Variants in DMD observed in about 807,000 individuals in gnomAD.
DMD encodes the protein mutant dystrophin.
In DMD, 63 loss-of-function variants were observed where a neutral mutation model predicts 330.1. The ratio of observed to expected loss-of-function variants is 0.19; its 90% CI spans 0.16 to 0.24. DMD has a LOEUF of 0.24. Among genes scored for constraint, DMD ranks in the 10% least tolerant of loss-of-function variants. DMD has a pLI of 1.00. For missense variants in DMD, 3,344 were observed against 2,684.1 expected, an observed-to-expected ratio of 1.25 and a Z score of -5.43; for synonymous variants, 1,223 against 959.8, an observed-to-expected ratio of 1.27 and a Z score of -5.07.
intron 11 of DMD, among the ~76,000 whole-genome samples, chrX:32,624,102 G>A (rs1217472062): frequency 2.7e-5 from 3 of 111,893 alleles, no homozygotes; most frequent in South Asian, 7.3e-4. Context: ...AATAAATTTG[G>A]AAAAATTGTC....
At chrX:31,267,014 T>C in intron 62 of DMD, 1 of 638,375 alleles carries the variant, frequency 1.6e-6, no homozygotes, top group Non-Finnish European at 2.2e-6. Context: ...GGCGGGGCCG[T>C]GTCGGGCTCC....
chrX:31,908,378 C>T (rs146405993), intron 47 of DMD, among the ~76,000 whole-genome samples: 4,364 of 111,226 alleles, frequency 0.039, 80 homozygotes, highest in Non-Finnish European at 0.063. Flanking sequence ...TGGAATACTA[C>T]GCAACCATAA....
At chrX:32,819,592 C>T (rs923721879) in intron 5 of DMD, among the ~76,000 whole-genome samples, 8 of 111,618 alleles carry the variant, frequency 7.2e-5, no homozygotes, top group African/African-American at 2.6e-4. Context: ...TTGAGATGGA[C>T]AGTAGAAAAA....
At chrX:32,969,205 C>CCTTGTTTTTTCCTTTTTGAGACAGAGG (rs1602301732) in intron 2 of DMD, among the ~76,000 whole-genome samples, 33 of 94,739 alleles carry the variant, frequency 3.5e-4, no homozygotes, top group Middle Eastern at 5.6e-3. Context: ...CATTTCTGCT[C>CCTTGTTTTTTCCTTTTTGAGACAGAGG]TTTATAAACC....
intron 55 of DMD, among the ~76,000 whole-genome samples, chrX:31,571,458 T>A (rs1229250440): frequency 9.0e-6 from 1 of 110,611 alleles, no homozygotes; most frequent in Non-Finnish European, 1.9e-5. Flanking sequence ...ATATTGTAAT[T>A]TTTAAAAATC....
chrX:31,421,035 T>C (rs921614704), intron 60 of DMD, among the ~76,000 whole-genome samples: 4 of 112,228 alleles, frequency 3.6e-5, no homozygotes, highest in African/African-American at 9.7e-5. Flanking sequence ...CATGGACCAT[T>C]ATGCAATATT....
chrX:31,740,956 T>A (rs959656409), intron 51 of DMD, among the ~76,000 whole-genome samples: 3 of 112,201 alleles, frequency 2.7e-5, no homozygotes, highest in Non-Finnish European at 5.6e-5. Context: ...ATCAACTAAG[T>A]TTATGGAATA....
At chrX:32,156,007 CACACACACA>C (rs2096828573) in intron 44 of DMD, among the ~76,000 whole-genome samples, 3 of 101,420 alleles carry the variant, frequency 3.0e-5, no homozygotes, top group Non-Finnish European at 6.2e-5. Context: ...CACACACACA[CACACACACA>C]CCTGTATAGC....
chrX:32,944,193 G>A (rs933251867), intron 2 of DMD, among the ~76,000 whole-genome samples: 1 of 112,098 alleles, frequency 8.9e-6, no homozygotes, highest in Non-Finnish European at 1.9e-5. Context: ...CTTAAAATTA[G>A]GCAATGCATT....
Position 33,054,571 on chromosome X carries a change from A to T in DMD, c.32-34371T>A, listed in dbSNP as rs563089731. ...ATTAGTGTGACGAAGGAAAACATTG[A>T]ATTAAGTCAACTAGTTATTCAGTTA... On this transcript the variant is annotated intron_variant, in intron 1 of 78. Transcript: ENST00000357033. 2.8e-4 allele frequency among the ~76,000 whole-genome samples: 32 copies of T among 112,615 alleles called. No homozygotes were observed. In the South Asian group the frequency reaches 3.6e-3, roughly 13 times the overall value.
chrX:32,823,500 G>A, intron 4 of DMD, 113 bp from the exon 5 acceptor site: 1 of 537,655 alleles, frequency 1.9e-6, no homozygotes, highest in Non-Finnish European at 3.2e-6. Context: ...CAGAGACTTA[G>A]CATTGAAGCT....
rs1482260149 is a variant in DMD, at chrX:32,362,828, T to A, written c.5285A>T (p.His1762Leu). 4 of 1,210,987 alleles carry A rather than the reference T, an allele frequency of 3.3e-6. No individual in the cohort carries two copies. The highest frequency in any genetic ancestry group is 4.4e-5 in the Admixed American group (2 of 45,865). ...TCTGTGTGAAATGGCTGCAAATCGA[T>A]GGTTGAGCTCTGAGATTTGGGGCTC... is the stretch of plus-strand genomic sequence containing the variant. ...LVEPQISELN[H>L]RFAAISHRIK... The change falls in exon 37 of 79, where the codon CAT (histidine) becomes CTT (leucine). Residue 1762 changes from histidine to leucine, a missense_variant. Physicochemically the swap from His to Leu is moderately conservative, Grantham distance 99. Coordinates refer to ENST00000357033, the MANE Select transcript of DMD (RefSeq NM_004006.3).
At chrX:32,488,662 T>A (rs367899359) in intron 20 of DMD, among the ~76,000 whole-genome samples, 17 of 111,480 alleles carry the variant, frequency 1.5e-4, no homozygotes, top group African/African-American at 5.5e-4. Context: ...CAACGGAATT[T>A]GGATGCAGTA....
intron 21 of DMD, among the ~76,000 whole-genome samples, chrX:32,474,208 T>TACACACACAC (rs3045001): frequency 9.9e-4 from 41 of 41,324 alleles, no homozygotes; most frequent in African/African-American, 1.8e-3. Flanking sequence ...CATACATACA[T>TACACACACAC]ACACACACAC....
intron 44 of DMD, among the ~76,000 whole-genome samples, chrX:32,173,436 G>A (rs1282370294): frequency 1.8e-5 from 2 of 110,914 alleles, no homozygotes; most frequent in East Asian, 2.8e-4. Flanking sequence ...GCAGTGGCGC[G>A]ATCTCGGCTC....
chrX:33,303,852 G>A (rs1246205501), intron 1 of DMD, among the ~76,000 whole-genome samples: 2 of 110,537 alleles, frequency 1.8e-5, no homozygotes, highest in African/African-American at 3.3e-5. Flanking sequence ...TGCATTATTG[G>A]GTATTTCTTT....
Position 33,275,585 on chromosome X carries a change from A to G in DMD, c.7+63674T>C, listed in dbSNP as rs140629632. 5.7e-3 allele frequency among the ~76,000 whole-genome samples: 643 copies of G among 112,012 alleles called. 3 individuals carry two copies. The highest frequency in any genetic ancestry group is 0.02 in the African/African-American group (626 of 30,850). The stretch of plus-strand genomic sequence containing the variant: ...TCAACACCTGAGGTACGTGTAATTA[A>G]TGCTAGAGAAGGTCAGAAGAAGGGA... On this transcript the variant is annotated intron_variant, in intron 1 of 17. Transcript: ENST00000288447.
intron 9 of DMD, among the ~76,000 whole-genome samples, chrX:32,670,293 G>T (rs887817416): frequency 8.9e-6 from 1 of 112,096 alleles, no homozygotes; most frequent in Non-Finnish European, 1.9e-5. Context: ...GTACTTGACA[G>T]ATTAAATTAC....
At chrX:31,593,833 C>T (rs1043937155) in intron 55 of DMD, among the ~76,000 whole-genome samples, 6 of 110,299 alleles carry the variant, frequency 5.4e-5, no homozygotes, top group African/African-American at 1.6e-4. Context: ...TATTGTAAAG[C>T]ATATTAAATG....
Sources: allele counts gnomAD v4.1 joint callset (sites outside exome capture counted in the v4.1 genomes callset), GRCh38; gene constraint gnomAD v4.1.1; transcripts MANE v1.5; gene names NCBI Gene and HGNC (gene_info 2026-07-23, HGNC 2026-07-21).